Variants in ACOXL observed in about 807,000 individuals in gnomAD.
ACOXL encodes acyl-coenzyme A oxidase-like protein.
A neutral mutation model predicts 71.9 loss-of-function variants in ACOXL; 70 were observed. The ratio of observed to expected loss-of-function variants is 0.97; its 90% confidence interval spans 0.80 to 1.19. The LOEUF is 1.19. Ranked by LOEUF, ACOXL falls within the 50% of genes most tolerant of loss-of-function variation. ACOXL has a pLI of 0.00. For missense variants in ACOXL, 703 were observed against 736.3 expected, an observed-to-expected ratio of 0.95 and a Z score of 0.52; for synonymous variants, 253 against 281.6, an observed-to-expected ratio of 0.90 and a Z score of 1.02.
chr2:110,922,219 G>A (rs558280265), intron 11 of ACOXL, among the ~76,000 whole-genome samples: 1 of 151,752 alleles, frequency 6.6e-6, no homozygotes, highest in African/African-American at 2.4e-5. Flanking sequence ...GTTTTTTTTG[G>A]TTGTTGTTTT....
chr2:110,904,563 A>AT (rs1458286716), intron 10 of ACOXL, among the ~76,000 whole-genome samples: 2 of 152,160 alleles, frequency 1.3e-5, no homozygotes, highest in Non-Finnish European at 2.9e-5. Context: ...TGTAGGTTGT[A>AT]TTATTACTCA....
At chr2:110,989,231 G>A (rs1042441837) in intron 13 of ACOXL, among the ~76,000 whole-genome samples, 13 of 152,108 alleles carry the variant, frequency 8.5e-5, no homozygotes, top group East Asian at 7.7e-4. Flanking sequence ...TTCCGGCACC[G>A]TTTACTGAAT....
At position 110,794,103 on chromosome 2, in the gene ACOXL, A is replaced by G. The variant is rs199867192; in HGVS notation, c.274A>G (p.Met92Val). 7.2e-5 allele frequency: 116 copies of G among 1,614,180 alleles called. No homozygotes were observed. The highest frequency in any genetic ancestry group is 7.0e-4 in the Admixed American group (42 of 60,030). Reference sequence around the variant, plus strand: ...GCAGAAATACACTGGGATGTTTGCAATGACCGAGAGGGGCCATGGGAGCAA... The same window carrying G: ...GCAGAAATACACTGGGATGTTTGCAGTGACCGAGAGGGGCCATGGGAGCAA... ...QEQKYTGMFAMTERGHGSNAR... is the reference protein window; with the variant it reads ...QEQKYTGMFAVTERGHGSNAR... Residue 92 changes from methionine (M) to valine (V), a missense_variant, in exon 5 of 18, where the codon ATG becomes GTG. Transcript: ENST00000439055.
At chr2:110,829,554 C>T (rs985682118) in intron 9 of ACOXL, among the ~76,000 whole-genome samples, 1 of 152,170 alleles carries the variant, frequency 6.6e-6, no homozygotes. Flanking sequence ...TGTAAATGAT[C>T]GAGGGTGCTT....
At chr2:111,093,529 C>A in intron 17 of ACOXL, 1 of 1,613,984 alleles carries the variant, frequency 6.2e-7, no homozygotes, top group Non-Finnish European at 8.5e-7. Flanking sequence ...TCAGTCTCCA[C>A]ATGAAGGGAG....
At chr2:111,049,391 G>C (rs557994276) in intron 16 of ACOXL, 103 bp downstream of exon 16, 1 of 900,330 alleles carries the variant, frequency 1.1e-6, no homozygotes, top group South Asian at 1.5e-5. Context: ...TATCATGTCT[G>C]AATCGTGTGC....
chr2:110,935,942 T>G (rs192590450), intron 12 of ACOXL, among the ~76,000 whole-genome samples: 31 of 152,288 alleles, frequency 2.0e-4, no homozygotes, highest in African/African-American at 7.5e-4. Flanking sequence ...ATGAGGAGCG[T>G]GCAGATCTCT....
At chr2:110,905,198 T>G (rs1396753484) in intron 10 of ACOXL, among the ~76,000 whole-genome samples, 1 of 151,970 alleles carries the variant, frequency 6.6e-6, no homozygotes, top group African/African-American at 2.4e-5. Context: ...CTGTTTAGTT[T>G]TGAAGGGGTG....
intron 10 of ACOXL, among the ~76,000 whole-genome samples, chr2:110,874,360 G>T (rs536133504): frequency 7.3e-5 from 11 of 151,436 alleles, no homozygotes; most frequent in Non-Finnish European, 1.6e-4. Flanking sequence ...CCCCACCCCA[G>T]CCCCTGGTTT....
intron 16 of ACOXL, 139 bp downstream of exon 16, chr2:111,049,427 C>T (rs1006772547): frequency 5.9e-6 from 4 of 680,866 alleles, no homozygotes; most frequent in South Asian, 1.8e-5. Context: ...TTGTCATAGG[C>T]GAATTGGAGG....
At position 111,064,367 on chromosome 2, in the gene ACOXL, C is replaced by T. The variant is rs372318764; in HGVS notation, c.1440+15079C>T. On this transcript the variant is annotated intron_variant, in intron 16 of 17. Transcript: ENST00000439055. ...AGGAGAATGGCGTGAACTTGGGAGG[C>T]GGAGCTTGCAGTGAGCCGAGATTGC... Among the ~76,000 whole-genome samples, 156 of 139,336 alleles carry T rather than the reference C, an allele frequency of 1.1e-3. 1 individual carries two copies. Among genetic ancestry groups the T allele is most frequent in the African/African-American group, 3.9e-3 (146 of 37,504 alleles). 91.4% of individuals were successfully genotyped at this position (139,336 alleles called of 152,430 possible).
At chr2:110,963,566 TGTGTGTGTG>T (rs967347943) in intron 12 of ACOXL, 119 of 57,668 alleles carry the variant, frequency 2.1e-3, no homozygotes, top group South Asian at 4.5e-3. Context: ...AAATTTGAAA[TGTGTGTGTG>T]TGTGTGTGTG....
chr2:110,766,455 C>T (rs866142289), intron 1 of ACOXL, among the ~76,000 whole-genome samples: 1 of 152,104 alleles, frequency 6.6e-6, no homozygotes. Context: ...ACCTCAGTTG[C>T]CTTCAGATGG....
chr2:110,921,204 C>G (rs1260304002), intron 11 of ACOXL, among the ~76,000 whole-genome samples: 2 of 152,124 alleles, frequency 1.3e-5, no homozygotes, highest in African/African-American at 2.4e-5. Flanking sequence ...TGTTTTGTCT[C>G]TCTCACATCA....
At chr2:110,997,286 A>G (rs1004696461) in intron 14 of ACOXL, among the ~76,000 whole-genome samples, 9 of 152,364 alleles carry the variant, frequency 5.9e-5, no homozygotes, top group Admixed American at 5.9e-4. Context: ...CAAAAGGAGC[A>G]GAAATAATAA....
intron 12 of ACOXL, among the ~76,000 whole-genome samples, chr2:110,950,942 G>A (rs754477073): frequency 5.9e-5 from 9 of 152,124 alleles, no homozygotes; most frequent in Non-Finnish European, 1.3e-4. Flanking sequence ...CTGAGCCTTT[G>A]CACCTCTTGG....
chr2:110,878,196 G>C (rs1273563733), intron 10 of ACOXL, among the ~76,000 whole-genome samples: 1 of 152,092 alleles, frequency 6.6e-6, no homozygotes, highest in African/African-American at 2.4e-5. Context: ...TCAAAAGAAC[G>C]ACCAAGGAAT....
chr2:110,924,919 G>A (rs2060217248), intron 11 of ACOXL, among the ~76,000 whole-genome samples: 1 of 152,136 alleles, frequency 6.6e-6, no homozygotes, highest in Non-Finnish European at 1.5e-5. Context: ...AGACTTGAAA[G>A]TCAAAATTAC....
rs541675504 is a variant in ACOXL, at chr2:111,076,028, TA to T, written c.1441-16830del. On this transcript the variant is annotated intron_variant, in intron 16 of 17. Coordinates refer to ENST00000439055, the MANE Select transcript of ACOXL (RefSeq NM_001142807.4). The stretch of plus-strand genomic sequence containing the variant: ...TCTTGGTGGATATTTCATTTGTCCT[TA>T]AAAAAATGTGTATTTGCTATTGTTG... Among the ~76,000 whole-genome samples, 10 of 152,266 alleles carry T rather than the reference TA, an allele frequency of 6.6e-5. No individual in the cohort carries two copies. In the East Asian group the frequency reaches 1.9e-3, roughly 29 times the overall value.
Sources: allele counts gnomAD v4.1 joint callset (sites outside exome capture counted in the v4.1 genomes callset), GRCh38; gene constraint gnomAD v4.1.1; transcripts MANE v1.5; gene names NCBI Gene and HGNC (gene_info 2026-07-23, HGNC 2026-07-21).